Variants in NPAS2 observed in about 807,000 individuals in gnomAD.
NPAS2 encodes the protein neuronal PAS domain-containing protein 2.
Under a neutral mutation model 107.5 loss-of-function variants are expected in NPAS2, and 23 were observed. The observed-to-expected ratio is 0.21, with a 90% CI of 0.15 to 0.30. The LOEUF is 0.30. Among genes scored for constraint, NPAS2 ranks in the 10% least tolerant of loss-of-function variants. The probability of loss-of-function intolerance (pLI) is 1.00; values close to 1 mark genes in which losing one functional copy is unlikely to be tolerated. For missense variants in NPAS2, 756 were observed against 1,043.3 expected (o/e 0.72, Z 3.79); for synonymous variants, 403 against 417.5 (o/e 0.97, Z 0.42).
intron 1 of NPAS2, among the ~76,000 whole-genome samples, chr2:100,879,593 TTTTC>T (rs1461904301): frequency 2.0e-5 from 3 of 152,160 alleles, no homozygotes; most frequent in African/African-American, 7.2e-5. Context: ...CATGCAGTAT[TTTTC>T]TTTCTGTGTC....
At chr2:100,932,063 ATC>A (rs1404553499) in intron 3 of NPAS2, among the ~76,000 whole-genome samples, 3 of 152,230 alleles carry the variant, frequency 2.0e-5, no homozygotes, top group Non-Finnish European at 4.4e-5. Flanking sequence ...CAAGGAAATA[ATC>A]TCTGAAGAAA....
intron 5 of NPAS2, among the ~76,000 whole-genome samples, chr2:100,947,466 G>A (rs906024313): frequency 4.0e-5 from 6 of 151,242 alleles, no homozygotes; most frequent in African/African-American, 1.2e-4. Context: ...CAGGAGAATC[G>A]CTTGAACCTG....
chr2:100,988,964 GCTCCTCCAGGC>G (rs1677950153), intron 17 of NPAS2: 3 of 78,310 alleles, frequency 3.8e-5, no homozygotes, highest in Non-Finnish European at 3.0e-5. Flanking sequence ...GGCGCCCCCT[GCTCCTCCAGGC>G]CCCCCTGCTC....
At chr2:100,905,303 T>C (rs1344090207) in intron 2 of NPAS2, among the ~76,000 whole-genome samples, 1 of 152,050 alleles carries the variant, frequency 6.6e-6, no homozygotes, top group Non-Finnish European at 1.5e-5. Flanking sequence ...GGAGATGTCA[T>C]AGACACCTTG....
In NPAS2 at chr2:100,965,781, C is replaced by T. The variant is rs543240234; in HGVS notation, c.907+15C>T. 184 of 1,550,460 alleles carry T rather than the reference C, an allele frequency of 1.2e-4. No homozygotes were observed. In the African/African-American group the frequency reaches 2.5e-3, roughly 21 times the overall value. On this transcript the variant is annotated intron_variant, in intron 10 of 20. Transcript: ENST00000335681. The surrounding 1 kb of genome is among the most constrained non-coding windows in gnomAD (Gnocchi z 4.3). ...TCACCAGCACCGTGAGTACCACTGC[C>T]CAGCCCAGGCATGGGGGCCTTGCGT...
chr2:100,851,011 G>A (rs1379324759), intron 1 of NPAS2, among the ~76,000 whole-genome samples: 1 of 144,664 alleles, frequency 6.9e-6, no homozygotes, highest in East Asian at 2.1e-4. Flanking sequence ...GCTACCACAT[G>A]GATGAATATT....
rs531240134 is a variant in NPAS2, at chr2:100,843,646, G to T, written c.-23+23232G>T. ...TATTTAACACTTATGTTAAGCAGAAGAAACATAAAATGCTTTCCACACTTC... is the reference window on the plus strand; with the variant it reads ...TATTTAACACTTATGTTAAGCAGAATAAACATAAAATGCTTTCCACACTTC... On this transcript the variant is annotated intron_variant, in intron 1 of 20. Transcript: ENST00000335681. 2.6e-5 allele frequency among the ~76,000 whole-genome samples: 4 copies of T among 152,262 alleles called. No individual in the cohort carries two copies. In the South Asian group the frequency reaches 8.3e-4, roughly 32 times the overall value.
chr2:100,924,882 G>A (rs1036453990), intron 2 of NPAS2, among the ~76,000 whole-genome samples: 34 of 152,266 alleles, frequency 2.2e-4, no homozygotes, highest in African/African-American at 7.7e-4. Flanking sequence ...AGCAGCATCC[G>A]GCCTCAGAGC....
chr2:100,855,500 G>A (rs139580462), intron 1 of NPAS2, among the ~76,000 whole-genome samples: 289 of 152,298 alleles, frequency 1.9e-3, no homozygotes, highest in African/African-American at 6.7e-3. Flanking sequence ...CTAGCATTCC[G>A]AGTTGCTTGT....
intron 1 of NPAS2, among the ~76,000 whole-genome samples, chr2:100,837,333 A>G (rs1677130007): frequency 6.6e-6 from 1 of 151,866 alleles, no homozygotes; most frequent in Non-Finnish European, 1.5e-5. Flanking sequence ...TTTGAGATGA[A>G]TTTTTGCTCT....
At chr2:100,970,519 G>T (rs1676474991) in intron 11 of NPAS2, 1 of 154,714 alleles carries the variant, frequency 6.5e-6, no homozygotes. Context: ...TCTACAGTCT[G>T]GATTTGGCTA....
intron 1 of NPAS2, among the ~76,000 whole-genome samples, chr2:100,902,074 A>G (rs918744242): frequency 2.0e-5 from 3 of 152,058 alleles, no homozygotes; most frequent in Non-Finnish European, 4.4e-5. Flanking sequence ...TCAAAATAAA[A>G]AAAAAAGTAG....
intron 2 of NPAS2, among the ~76,000 whole-genome samples, chr2:100,917,993 G>T (rs796408066): frequency 9.0e-4 from 137 of 152,066 alleles, no homozygotes; most frequent in African/African-American, 3.0e-3. Context: ...GAAATCTACA[G>T]AACAGCATTT....
intron 15 of NPAS2, among the ~76,000 whole-genome samples, chr2:100,981,581 A>C (rs1677441922): frequency 6.6e-6 from 1 of 152,166 alleles, no homozygotes; most frequent in African/African-American, 2.4e-5. Flanking sequence ...CTTTACCCCG[A>C]GGTCAGTCAC....
intron 14 of NPAS2, 89 bp from the exon 15 acceptor site, chr2:100,977,621 A>G (rs1677104212): frequency 8.9e-7 from 1 of 1,124,634 alleles, no homozygotes; most frequent in African/African-American, 1.5e-5. Context: ...CCAGTGCGGA[A>G]CGCAGAGAAC....
chr2:100,844,528 A>G (rs1677648716), intron 1 of NPAS2, among the ~76,000 whole-genome samples: 1 of 152,202 alleles, frequency 6.6e-6, no homozygotes, highest in African/African-American at 2.4e-5. Context: ...CCAGCTCTGC[A>G]GGTATAAAAG....
chr2:100,955,806 G>A (rs1370043905), intron 7 of NPAS2, among the ~76,000 whole-genome samples: 1 of 152,098 alleles, frequency 6.6e-6, no homozygotes, highest in Non-Finnish European at 1.5e-5. Flanking sequence ...TGGGTGTTTG[G>A]AGGCCAGTAG....
At chr2:100,831,157 G>A (rs888063859) in intron 1 of NPAS2, among the ~76,000 whole-genome samples, 6 of 151,966 alleles carry the variant, frequency 3.9e-5, no homozygotes, top group African/African-American at 1.2e-4. Flanking sequence ...AAAATTAGCC[G>A]GGTGTGGTGA....
In NPAS2 at chr2:100,949,499, A is replaced by G. The variant is rs767334463; in HGVS notation, c.598+19A>G. On this transcript the variant is annotated intron_variant, in intron 7 of 20. Transcript: ENST00000335681. ...AACAATGGTAAGCTTTAATTGTCAT[A>G]TAATTGTGACAGTGTCTTTTCTCAT... The G allele has an allele frequency of 2.0e-5, 27 of 1,380,066 alleles. No homozygotes were observed. Among genetic ancestry groups the G allele is most frequent in the South Asian group, 1.3e-4 (11 of 86,216 alleles). 85.5% of individuals were successfully genotyped at this position (1,380,066 alleles called of 1,614,324 possible).
Sources: gnomAD v4.1 joint callset for allele counts (sites outside exome capture counted in the v4.1 genomes callset) on GRCh38, gnomAD v4.1.1 for gene constraint, Gnocchi (gnomAD v3.1) non-coding constraint, MANE v1.5 for transcripts, NCBI Gene and HGNC (gene_info 2026-07-23, HGNC 2026-07-21) for gene names.